Variants in LAMC3 observed in about 807,000 individuals in gnomAD.
The protein encoded by LAMC3 is laminin subunit gamma 3, also known as laminin subunit gamma-3.
LAMC3 carries 128 observed loss-of-function variants against 173.8 expected under a neutral mutation model. The ratio of observed to expected loss-of-function variants is 0.74; its 90% CI spans 0.64 to 0.85. The LOEUF (loss-of-function observed/expected upper bound fraction) is 0.85. Among genes scored for constraint, LAMC3 ranks in the 40% least tolerant of loss-of-function variants. The pLI is 0.00. For missense variants in LAMC3, 2,022 were observed against 2,156.0 expected, an observed-to-expected ratio of 0.94 and a Z score of 1.23; for synonymous variants, 897 against 909.1, an observed-to-expected ratio of 0.99 and a Z score of 0.24.
chr9:131,032,511 TCTCTCTCTTG>T (rs1833847096), intron 3 of LAMC3, among the ~76,000 whole-genome samples: 2 of 149,720 alleles, frequency 1.3e-5, no homozygotes, highest in Non-Finnish European at 3.0e-5. Flanking sequence ...TCACTCGCTC[TCTCTCTCTTG>T]CTCTCTCTCG....
Position 131,040,240 on chromosome 9 carries a change from C to G in LAMC3, c.1283+992C>G, listed in dbSNP as rs1003900928. ...TCACCCAGGCTGAAGTGCAGTGGCG[C>G]GATCTCTACTCACTACAACCTCCGC... is the stretch of plus-strand genomic sequence containing the variant. On this transcript the variant is annotated intron_variant, in intron 6 of 27. Coordinates refer to ENST00000361069, the MANE Select transcript of LAMC3 (RefSeq NM_006059.4). Among the ~76,000 whole-genome samples, 13 of 151,808 alleles carry G rather than the reference C, an allele frequency of 8.6e-5. No homozygotes were observed. In the South Asian group the frequency reaches 2.7e-3, roughly 32 times the overall value.
At chr9:131,033,450 C>G in intron 3 of LAMC3, among the ~76,000 whole-genome samples, 1 of 152,090 alleles carries the variant, frequency 6.6e-6, no homozygotes, top group Middle Eastern at 3.4e-3. Flanking sequence ...CAGATGGGAC[C>G]CAAGAGTGGG....
chr9:131,045,998 C>T (rs1263269859), intron 8 of LAMC3, among the ~76,000 whole-genome samples: 2 of 152,192 alleles, frequency 1.3e-5, no homozygotes, highest in East Asian at 3.8e-4. Context: ...CAGGCTCAGT[C>T]TCCTGGCCTC....
chr9:131,068,043 T>A (rs765486152), intron 14 of LAMC3, 35 bp from the exon 15 acceptor site: 24 of 1,603,840 alleles, frequency 1.5e-5, no homozygotes, highest in Non-Finnish European at 2.0e-5. Flanking sequence ...ACAATCTGCA[T>A]TGTTCCCAAC....
At position 131,087,792 on chromosome 9, in the gene LAMC3, C is replaced by A; in HGVS notation, c.4452C>A (p.Thr1484=). 6.2e-7 allele frequency: 1 copy of A among 1,614,076 alleles called. No homozygotes were observed. The highest frequency in any genetic ancestry group is 8.5e-7 in the Non-Finnish European group (1 of 1,180,036). The part of the protein sequence containing the change: ...SRISLEKDIE[T]LSELLARLGS... The stretch of plus-strand genomic sequence containing the variant: ...TCTCACTGGAGAAGGACATCGAGAC[C>A]TTGTCAGAGCTGCTTGCCAGGCTGG... Residue 1484 remains threonine, a synonymous_variant, in exon 27 of 28, where the codon ACC becomes ACA. Coordinates refer to ENST00000361069, the MANE Select transcript of LAMC3 (RefSeq NM_006059.4).
At chr9:131,037,307 G>A (rs903117004) in intron 4 of LAMC3, among the ~76,000 whole-genome samples, 16 of 152,176 alleles carry the variant, frequency 1.1e-4, no homozygotes, top group Non-Finnish European at 1.8e-4. Flanking sequence ...AGGGTTTCAG[G>A]CTTGACCCTT....
chr9:131,022,231 C>A (rs1833638442), intron 1 of LAMC3, among the ~76,000 whole-genome samples: 1 of 151,934 alleles, frequency 6.6e-6, no homozygotes, highest in Non-Finnish European at 1.5e-5. Context: ...CACACACACA[C>A]ACACACACAC....
intron 1 of LAMC3, among the ~76,000 whole-genome samples, chr9:131,016,263 G>C (rs913617954): frequency 3.9e-5 from 6 of 152,190 alleles, no homozygotes; most frequent in African/African-American, 7.2e-5. Context: ...GGGCAATGGA[G>C]AGTGACTGTT....
chr9:131,072,130 T>G (rs967277754), intron 18 of LAMC3, among the ~76,000 whole-genome samples: 1 of 75,136 alleles, frequency 1.3e-5, no homozygotes, highest in Non-Finnish European at 2.4e-5. Context: ...CTTGTTTCTA[T>G]GAATGGAAGC....
In LAMC3 at chr9:131,091,663, A is replaced by T; in HGVS notation, c.4604A>T (p.Glu1535Val). 1 of 1,608,508 alleles carries T rather than the reference A, an allele frequency of 6.2e-7. No homozygotes were observed. Among genetic ancestry groups the T allele is most frequent in the Non-Finnish European group, 8.5e-7 (1 of 1,177,794 alleles). Reference sequence around the variant, plus strand: ...AGGAAACTCAGTCTGCTGGAGCAGGAATCCCAGCAGCAGGAGCTGCAGATC... The same window carrying T: ...AGGAAACTCAGTCTGCTGGAGCAGGTATCCCAGCAGCAGGAGCTGCAGATC... ...LQRKLSLLEQ[E>V]SQQQELQIQG... The change falls in exon 28 of 28, where the codon GAA becomes GTA. Residue 1535 changes from glutamate (E) to valine (V), a missense_variant. Transcript: ENST00000361069.
intron 23 of LAMC3, chr9:131,080,363 A>AC (rs1830216906): frequency 1.5e-5 from 2 of 135,114 alleles, no homozygotes; most frequent in Admixed American, 1.8e-4. Flanking sequence ...ATCTCGGCTC[A>AC]CTGCAACCTC....
At chr9:131,045,237 C>A (rs113062288) in intron 7 of LAMC3, among the ~76,000 whole-genome samples, 29 of 86,718 alleles carry the variant, frequency 3.3e-4, no homozygotes, top group Middle Eastern at 5.6e-3. Context: ...AAAAAAAAAA[C>A]AACAACAACA....
At chr9:131,051,910 A>T (rs1184788479) in intron 9 of LAMC3, among the ~76,000 whole-genome samples, 1 of 152,196 alleles carries the variant, frequency 6.6e-6, no homozygotes, top group Non-Finnish European at 1.5e-5. Flanking sequence ...CAGTGAAATG[A>T]CATGAGTCAG....
intron 24 of LAMC3, among the ~76,000 whole-genome samples, chr9:131,082,857 G>T (rs1421711220): frequency 6.6e-6 from 1 of 152,196 alleles, no homozygotes; most frequent in Non-Finnish European, 1.5e-5. Context: ...GGCTTCTGCT[G>T]TTGTTCTGTG....
At chr9:131,074,699 GAAAA>G (rs67374198) in intron 20 of LAMC3, among the ~76,000 whole-genome samples, 25 of 129,678 alleles carry the variant, frequency 1.9e-4, no homozygotes, top group East Asian at 9.4e-4. Flanking sequence ...CCATCTCAAA[GAAAA>G]AAAAAAAAAA....
chr9:131,029,217 G>A lies in LAMC3; in HGVS notation c.678+2628G>A, dbSNP rs1400644614. 1.3e-5 allele frequency among the ~76,000 whole-genome samples: 2 copies of A among 152,222 alleles called. No individual in the cohort carries two copies. The highest frequency in any genetic ancestry group is 2.4e-5 in the African/African-American group (1 of 41,472). ...GGCCAGGCCCCTCTTTGGGCAAGCCGAATCCTTTATCACACAGTACCACAT... is the reference window on the plus strand; with the variant it reads ...GGCCAGGCCCCTCTTTGGGCAAGCCAAATCCTTTATCACACAGTACCACAT... On this transcript the variant is annotated intron_variant, in intron 2 of 27. Coordinates refer to ENST00000361069, the MANE Select transcript of LAMC3 (RefSeq NM_006059.4). This position sits in a 1 kb window ranked among gnomAD's most constrained non-coding sequence, Gnocchi z 4.6.
At chr9:131,034,878 G>A (rs1017311901) in intron 3 of LAMC3, among the ~76,000 whole-genome samples, 9 of 152,370 alleles carry the variant, frequency 5.9e-5, no homozygotes, top group Non-Finnish European at 8.8e-5. Context: ...GCCACAGGCC[G>A]GGGCTGCTCT....
intron 7 of LAMC3, among the ~76,000 whole-genome samples, chr9:131,044,110 C>G (rs1436525284): frequency 6.6e-6 from 1 of 151,906 alleles, no homozygotes; most frequent in African/African-American, 2.4e-5. Flanking sequence ...AGGCACCCAC[C>G]ACCACGCCTG....
intron 12 of LAMC3, among the ~76,000 whole-genome samples, chr9:131,059,795 A>C (rs1829772635): frequency 6.6e-6 from 1 of 152,190 alleles, no homozygotes; most frequent in Non-Finnish European, 1.5e-5. Context: ...CGGGCAGTAT[A>C]GCCCCGCTGC....
Sources: gnomAD v4.1 joint callset for allele counts (sites outside exome capture counted in the v4.1 genomes callset) on GRCh38, gnomAD v4.1.1 for gene constraint, Gnocchi (gnomAD v3.1) non-coding constraint, MANE v1.5 for transcripts, NCBI Gene and HGNC (gene_info 2026-07-23, HGNC 2026-07-21) for gene names.